SLC29A3: variants seen among roughly 807,000 people sequenced by gnomAD.
SLC29A3 encodes the protein equilibrative nucleoside transporter 3.
SLC29A3 carries 18 observed loss-of-function variants against 25.4 expected under a neutral mutation model. That is an observed-to-expected ratio of 0.71 (90% confidence interval 0.49 to 1.05). The LOEUF (loss-of-function observed/expected upper bound fraction) is 1.05, where lower values mean the gene tolerates loss of function less well. Among genes scored for constraint, SLC29A3 ranks in the 50% least tolerant of loss-of-function variants. The pLI, the probability that SLC29A3 is intolerant of heterozygous loss-of-function variation, is 0.00. For missense variants in SLC29A3, 586 were observed against 609.0 expected, an observed-to-expected ratio of 0.96 and a Z score of 0.40; for synonymous variants, 258 against 267.1, an observed-to-expected ratio of 0.97 and a Z score of 0.33.
In SLC29A3 at chr10:71,362,808, T is replaced by A; in HGVS notation, c.*200T>A. The A allele has an allele frequency of 1.4e-6, 1 of 720,162 alleles. No individual in the cohort carries two copies. The highest frequency in any genetic ancestry group is 2.5e-6 in the Non-Finnish European group (1 of 404,206). 44.6% of individuals were successfully genotyped at this position (720,162 alleles called of 1,614,324 possible). A position where few individuals can be genotyped will look rare whatever the true frequency, so the allele number is the denominator to read the frequency against. On this transcript the variant is annotated 3_prime_UTR_variant, in exon 6 of 6. Transcript: ENST00000373189. ...TGCAAGGCAGATATTCCAGTCATAT[T>A]AACAGAACACTCCTGAGACAGTTGA...
intron 5 of SLC29A3, among the ~76,000 whole-genome samples, chr10:71,360,178 C>G (rs1336995268): frequency 9.2e-6 from 1 of 108,998 alleles, no homozygotes; most frequent in Non-Finnish European, 1.7e-5. Context: ...GAATCTTACT[C>G]TGTCACCTAG....
chr10:71,332,191 G>A (rs540824862), intron 2 of SLC29A3, among the ~76,000 whole-genome samples: 35 of 135,348 alleles, frequency 2.6e-4, no homozygotes, highest in African/African-American at 9.6e-4. Context: ...TTGTATCGCC[G>A]AGGTTGGAGT....
intron 1 of SLC29A3, among the ~76,000 whole-genome samples, chr10:71,322,136 G>T (rs866517079): frequency 6.8e-6 from 1 of 147,440 alleles, no homozygotes; most frequent in Non-Finnish European, 1.5e-5. Flanking sequence ...CCCCCTCCCC[G>T]CCCCCCACCA....
At chr10:71,360,360 C>T (rs1486211349) in intron 5 of SLC29A3, among the ~76,000 whole-genome samples, 1 of 152,042 alleles carries the variant, frequency 6.6e-6, no homozygotes, top group Admixed American at 6.5e-5. Flanking sequence ...TCAGGCTGGT[C>T]TTGAACTCCT....
intron 2 of SLC29A3, among the ~76,000 whole-genome samples, chr10:71,327,746 C>T (rs1230201558): frequency 8.1e-6 from 1 of 123,968 alleles, no homozygotes; most frequent in Admixed American, 1.0e-4. Context: ...CAAACACCAT[C>T]TTCCTTCCTT....
downstream of SLC29A3, among the ~76,000 whole-genome samples, chr10:71,367,321 G>A (rs987346481): frequency 6.6e-6 from 1 of 152,182 alleles, no homozygotes; most frequent in African/African-American, 2.4e-5. Context: ...AGGGTTGTGG[G>A]ACATGAGACA....
At chr10:71,358,626 A>G (rs942808171) in intron 5 of SLC29A3, among the ~76,000 whole-genome samples, 3 of 152,236 alleles carry the variant, frequency 2.0e-5, no homozygotes, top group African/African-American at 7.2e-5. Flanking sequence ...ACAGAGGAAC[A>G]GGAGGGTCGC....
In SLC29A3 at chr10:71,344,272, A is replaced by C; in HGVS notation, c.364A>C (p.Asn122His). The C allele has an allele frequency of 6.2e-7, 1 of 1,614,010 alleles. No individual in the cohort carries two copies. Among genetic ancestry groups the C allele is most frequent in the Middle Eastern group, 1.6e-4 (1 of 6,062 alleles). ...GCCCTCCATGCTGTGCCTGGTGGCC[A>C]ACTTCCTGCTTGTCAACAGGTAGGC... is the stretch of plus-strand genomic sequence containing the variant. ...TVPSMLCLVANFLLVNRVAVH... is the reference protein window; with the variant it reads ...TVPSMLCLVAHFLLVNRVAVH... Residue 122 changes from asparagine to histidine, a missense_variant, in exon 3 of 6, where the codon AAC (asparagine) becomes CAC (histidine). By Grantham distance (68) the Asn-to-His change is moderately conservative (BLOSUM62 1). Transcript: ENST00000373189.
At position 71,362,577 on chromosome 10, in the gene SLC29A3, C is replaced by T. The variant is rs754728933; in HGVS notation, c.1397C>T (p.Ala466Val). Residue 466 changes from alanine (A) to valine (V), a missense_variant, in exon 6 of 6, where the codon GCC becomes GTC. Transcript: ENST00000373189. ...YVCLGLTLGS[A>V]CSTLLVHLI ...TGCTTGGGCTTAACACTGGGCTCAGCCTGCTCTACCCTCCTGGTGCACCTC... is the reference window on the plus strand; with the variant it reads ...TGCTTGGGCTTAACACTGGGCTCAGTCTGCTCTACCCTCCTGGTGCACCTC... 5 of 1,614,146 alleles carry T rather than the reference C, an allele frequency of 3.1e-6. No homozygotes were observed. The highest frequency in any genetic ancestry group is 4.2e-6 in the Non-Finnish European group (5 of 1,180,040).
chr10:71,334,200 C>T (rs1846186793), intron 2 of SLC29A3, among the ~76,000 whole-genome samples: 1 of 152,220 alleles, frequency 6.6e-6, no homozygotes, highest in African/African-American at 2.4e-5. Flanking sequence ...CGCAAAGGGC[C>T]AGATGGTTCG....
chr10:71,364,906 GAC>G (rs879559576), downstream of SLC29A3: 3 of 152,262 alleles, frequency 2.0e-5, no homozygotes, highest in Admixed American at 1.3e-4. Context: ...TCTAGCTGGT[GAC>G]TCATCTCAAC....
intron 3 of SLC29A3, among the ~76,000 whole-genome samples, chr10:71,345,686 G>A (rs1438479769): frequency 6.6e-6 from 1 of 151,872 alleles, no homozygotes; most frequent in African/African-American, 2.4e-5. Context: ...TTCGAAGCTA[G>A]GGCCATAGTC....
chr10:71,375,474 G>A (rs756348640), intron 3 of SLC29A3, among the ~76,000 whole-genome samples: 1 of 152,122 alleles, frequency 6.6e-6, no homozygotes, highest in Non-Finnish European at 1.5e-5. Flanking sequence ...AAGAGATCAA[G>A]GTTTTGCCCA....
intron 4 of SLC29A3, among the ~76,000 whole-genome samples, chr10:71,378,382 C>T (rs1847277629): frequency 6.6e-6 from 1 of 152,140 alleles, no homozygotes; most frequent in Admixed American, 6.5e-5. Context: ...TAGCAACAGG[C>T]TTAATAGGGC....
At chr10:71,331,011 C>T (rs75773613) in intron 2 of SLC29A3, among the ~76,000 whole-genome samples, 10,618 of 152,064 alleles carry the variant, frequency 0.07, 1,173 homozygotes, top group African/African-American at 0.24. Flanking sequence ...CCCAGGTATC[C>T]GTGATCTTAA....
At position 71,362,801 on chromosome 10, in the gene SLC29A3, G is replaced by T. The variant is rs1847104746; in HGVS notation, c.*193G>T. 1 of 735,834 alleles carries T rather than the reference G, an allele frequency of 1.4e-6. No homozygotes were observed. The highest frequency in any genetic ancestry group is 2.4e-6 in the Non-Finnish European group (1 of 418,312). 45.6% of individuals were successfully genotyped at this position (735,834 alleles called of 1,614,324 possible). Reference sequence around the variant, plus strand: ...CATTCCGTGCAAGGCAGATATTCCAGTCATATTAACAGAACACTCCTGAGA... The same window carrying T: ...CATTCCGTGCAAGGCAGATATTCCATTCATATTAACAGAACACTCCTGAGA... On this transcript the variant is annotated 3_prime_UTR_variant, in exon 6 of 6. Coordinates refer to ENST00000373189, the MANE Select transcript of SLC29A3 (RefSeq NM_018344.6).
At chr10:71,337,312 C>G (rs948580265) in intron 2 of SLC29A3, among the ~76,000 whole-genome samples, 13 of 152,234 alleles carry the variant, frequency 8.5e-5, no homozygotes, top group Admixed American at 6.5e-5. Context: ...CCTCATTTTG[C>G]TCAGGAATGA....
downstream of SLC29A3, chr10:71,364,848 C>G (rs536537000): frequency 6.6e-6 from 1 of 152,218 alleles, no homozygotes; most frequent in Non-Finnish European, 1.5e-5. Flanking sequence ...AAGTCTCCCC[C>G]TTGGTTTTTT....
chr10:71,356,399 C>A, intron 5 of SLC29A3, 156 bp downstream of exon 5: 1 of 921,314 alleles, frequency 1.1e-6, no homozygotes, highest in Non-Finnish European at 1.6e-6. Context: ...ACGTGAGAGG[C>A]TGGCTCTGTG....
Sources: gnomAD v4.1 joint callset for allele counts (sites outside exome capture counted in the v4.1 genomes callset) on GRCh38, gnomAD v4.1.1 for gene constraint, MANE v1.5 for transcripts, NCBI Gene and HGNC (gene_info 2026-07-23, HGNC 2026-07-21) for gene names.